RNGTT: variants seen among roughly 807,000 people sequenced by gnomAD.
The protein encoded by RNGTT is mRNA-capping enzyme.
Under a neutral mutation model 79.3 loss-of-function variants are expected in RNGTT, and 33 were observed. That is an observed-to-expected ratio of 0.42 (90% CI 0.32 to 0.56). The LOEUF is 0.56. Ranked by LOEUF, RNGTT falls within the 20% of genes least tolerant of loss-of-function variation. The pLI is 0.17. For missense variants in RNGTT, 497 were observed against 739.1 expected, an observed-to-expected ratio of 0.67 and a Z score of 3.80; for synonymous variants, 222 against 235.9, an observed-to-expected ratio of 0.94 and a Z score of 0.54.
chr6:88,951,331 T>C (rs1785240515), intron 1 of RNGTT, among the ~76,000 whole-genome samples: 1 of 152,238 alleles, frequency 6.6e-6, no homozygotes, highest in Admixed American at 6.5e-5. Flanking sequence ...ACAAAGGATT[T>C]AGAATATTAC....
At chr6:88,861,762 T>C (rs1328182602) in intron 8 of RNGTT, among the ~76,000 whole-genome samples, 2 of 152,132 alleles carry the variant, frequency 1.3e-5, no homozygotes, top group Non-Finnish European at 2.9e-5. Flanking sequence ...CCTCCTTATA[T>C]AATAGTCTCT....
At position 88,849,676 on chromosome 6, in the gene RNGTT, G is replaced by A. The variant is rs1037322342; in HGVS notation, c.1104+79C>T. 15 of 1,318,748 alleles carry A rather than the reference G, an allele frequency of 1.1e-5. No homozygotes were observed. In the African/African-American group the frequency reaches 2.0e-4, roughly 18 times the overall value. 81.7% of individuals were successfully genotyped at this position (1,318,748 alleles called of 1,614,324 possible). On this transcript the variant is annotated intron_variant, in intron 10 of 15. Transcript: ENST00000369485. The stretch of plus-strand genomic sequence containing the variant: ...AAATTTTCTTTCCTACTATCTCTAA[G>A]GCAGCACCAAAGACTATTGTCAAAA...
chr6:88,720,737 C>T (rs577823514), intron 13 of RNGTT, among the ~76,000 whole-genome samples: 1 of 152,058 alleles, frequency 6.6e-6, no homozygotes, highest in Admixed American at 6.6e-5. Context: ...TGGTCTACCA[C>T]TTATGCAAAT....
intron 13 of RNGTT, among the ~76,000 whole-genome samples, chr6:88,696,197 A>G (rs1039631214): frequency 6.6e-6 from 1 of 152,234 alleles, no homozygotes; most frequent in South Asian, 2.1e-4. Context: ...AAGAATGTCA[A>G]TTAGCTTGGT....
intron 14 of RNGTT, among the ~76,000 whole-genome samples, chr6:88,663,366 A>C (rs914858243): frequency 2.6e-5 from 4 of 152,188 alleles, no homozygotes; most frequent in African/African-American, 7.2e-5. Flanking sequence ...ACAGGTCCCT[A>C]GTTTCAAAGG....
At chr6:88,655,356 G>A (rs1468034746) in intron 14 of RNGTT, among the ~76,000 whole-genome samples, 2 of 152,182 alleles carry the variant, frequency 1.3e-5, no homozygotes, top group African/African-American at 2.4e-5. Flanking sequence ...TGATGTCCAA[G>A]TGGATGGTTT....
chr6:88,792,177 A>T (rs914784731), intron 12 of RNGTT, among the ~76,000 whole-genome samples: 3 of 152,216 alleles, frequency 2.0e-5, no homozygotes, highest in African/African-American at 7.2e-5. Flanking sequence ...GACTGAATAA[A>T]AACAAGAATG....
intron 4 of RNGTT, among the ~76,000 whole-genome samples, chr6:88,926,757 G>A (rs1784332160): frequency 6.6e-6 from 1 of 152,100 alleles, no homozygotes; most frequent in Admixed American, 6.5e-5. Context: ...CAGTTTAAGG[G>A]CATAACAATA....
chr6:88,700,341 C>T (rs1242716907), intron 13 of RNGTT, among the ~76,000 whole-genome samples: 1 of 152,162 alleles, frequency 6.6e-6, no homozygotes, highest in Non-Finnish European at 1.5e-5. Flanking sequence ...AACATCCAAT[C>T]TTGATCTCCA....
chr6:88,642,641 A>G (rs1307046797), intron 14 of RNGTT, among the ~76,000 whole-genome samples: 1 of 152,114 alleles, frequency 6.6e-6, no homozygotes. Context: ...AAGGCAGAAA[A>G]ACCTGAGTTC....
intron 13 of RNGTT, among the ~76,000 whole-genome samples, chr6:88,731,281 A>C (rs1777106606): frequency 6.6e-6 from 1 of 152,216 alleles, no homozygotes; most frequent in African/African-American, 2.4e-5. Flanking sequence ...CTAGACTAAA[A>C]GAAACCTCAA....
At chr6:88,818,461 T>C (rs552167937) in intron 11 of RNGTT, among the ~76,000 whole-genome samples, 1 of 152,084 alleles carries the variant, frequency 6.6e-6, no homozygotes, top group South Asian at 2.1e-4. Context: ...TACATGCCTG[T>C]AATCCCAGCT....
At chr6:88,685,716 C>A (rs1179273381) in intron 13 of RNGTT, among the ~76,000 whole-genome samples, 1 of 151,914 alleles carries the variant, frequency 6.6e-6, no homozygotes, top group East Asian at 1.9e-4. Context: ...GTTATAATGG[C>A]AGAAAAGGTA....
At chr6:88,701,404 C>T (rs1228770313) in intron 13 of RNGTT, among the ~76,000 whole-genome samples, 1 of 151,972 alleles carries the variant, frequency 6.6e-6, no homozygotes, top group East Asian at 1.9e-4. Flanking sequence ...TAAATGGCAG[C>T]CCTGAGCATG....
At chr6:88,885,285 G>A (rs1582582387) in intron 8 of RNGTT, among the ~76,000 whole-genome samples, 1 of 152,052 alleles carries the variant, frequency 6.6e-6, no homozygotes, top group Admixed American at 6.5e-5. Context: ...AAAAGTACAA[G>A]GTAAGTCCAC....
At chr6:88,807,857 C>T (rs1056800010) in intron 11 of RNGTT, among the ~76,000 whole-genome samples, 1 of 152,090 alleles carries the variant, frequency 6.6e-6, no homozygotes, top group African/African-American at 2.4e-5. Context: ...ACAGCAGACT[C>T]CTTATCTGAA....
chr6:88,616,585 T>G (rs1772230804), intron 14 of RNGTT, among the ~76,000 whole-genome samples: 1 of 152,160 alleles, frequency 6.6e-6, no homozygotes, highest in Non-Finnish European at 1.5e-5. Context: ...TCTTTCATAG[T>G]GGCCATCCTG....
intron 13 of RNGTT, among the ~76,000 whole-genome samples, chr6:88,698,271 T>TG (rs1554206776): frequency 0.052 from 4,851 of 93,786 alleles, 512 homozygotes; most frequent in African/African-American, 0.1. Context: ...ATATATATGA[T>TG]ATATATATTT....
intron 2 of RNGTT, among the ~76,000 whole-genome samples, chr6:88,940,502 G>A (rs1043261435): frequency 3.3e-5 from 5 of 152,198 alleles, no homozygotes; most frequent in African/African-American, 4.8e-5. Context: ...TGTAGTCTCT[G>A]TATGGTTTCT....
Sources: allele counts gnomAD v4.1 joint callset (sites outside exome capture counted in the v4.1 genomes callset), GRCh38; gene constraint gnomAD v4.1.1; transcripts MANE v1.5; gene names NCBI Gene and HGNC (gene_info 2026-07-23, HGNC 2026-07-21).